Variants in PTPRN2 observed in about 807,000 individuals in gnomAD.
The protein encoded by PTPRN2 is receptor-type tyrosine-protein phosphatase N2.
In PTPRN2, 74 loss-of-function variants were observed where a neutral mutation model predicts 118.8. The ratio of observed to expected loss-of-function variants is 0.62; its 90% CI spans 0.52 to 0.76. The LOEUF is 0.76. PTPRN2 is among the 30% of genes least tolerant of loss of function. The pLI is 0.00. For missense variants in PTPRN2, 1,481 were observed against 1,394.4 expected (o/e 1.06, Z -0.99); for synonymous variants, 641 against 608.0 (o/e 1.05, Z -0.80).
At chr7:158,341,003 G>C (rs1162898943) in intron 2 of PTPRN2, among the ~76,000 whole-genome samples, 1 of 56,052 alleles carries the variant, frequency 1.8e-5, no homozygotes, top group African/African-American at 6.7e-5. Flanking sequence ...CATAAGAGGT[G>C]AAACCTGCAG....
chr7:157,740,423 C>T (rs1485743484), intron 12 of PTPRN2: 13 of 147,604 alleles, frequency 8.8e-5, no homozygotes, highest in African/African-American at 3.1e-4. Flanking sequence ...CGTCTCCCTC[C>T]ATCCACGGCA....
intron 3 of PTPRN2, among the ~76,000 whole-genome samples, chr7:158,308,409 T>G (rs1801457684): frequency 1.3e-5 from 2 of 152,124 alleles, no homozygotes; most frequent in Admixed American, 1.3e-4. Flanking sequence ...GATGAAGAAA[T>G]AAACAGCACC....
In PTPRN2 at chr7:157,766,016, C is replaced by T. The variant is rs1339168921; in HGVS notation, c.1789-83079G>A. ...TCCATCCAACCATCCATCCTTCCTT[C>T]ATCCACCCATCCATCCAACCAACCA... On this transcript the variant is annotated intron_variant, in intron 12 of 22. Coordinates refer to ENST00000389418, the MANE Select transcript of PTPRN2 (RefSeq NM_002847.5). Among the ~76,000 whole-genome samples, 4 of 151,262 alleles carry T rather than the reference C, an allele frequency of 2.6e-5. No individual in the cohort carries two copies. The East Asian group carries it at 5.9e-4, about 22-fold the overall frequency.
At chr7:158,072,037 G>A (rs1451919113) in intron 11 of PTPRN2, among the ~76,000 whole-genome samples, 17 of 145,122 alleles carry the variant, frequency 1.2e-4, no homozygotes, top group Non-Finnish European at 3.0e-5. Flanking sequence ...TGGTGGAGGT[G>A]CTCGTGGTGG....
Position 157,632,555 on chromosome 7 carries a change from G to A in PTPRN2, c.2197-11046C>T, listed in dbSNP as rs1016435528. On this transcript the variant is annotated intron_variant, in intron 14 of 22. Coordinates refer to ENST00000389418, the MANE Select transcript of PTPRN2 (RefSeq NM_002847.5). The surrounding 1 kb of genome is among the most constrained non-coding windows in gnomAD (Gnocchi z 4.3). Reference sequence around the variant, plus strand: ...TCATACGATTGATGGATTGTTTTACGTTGGGCATTTTTTAGCAAGATATCA... The same window carrying A: ...TCATACGATTGATGGATTGTTTTACATTGGGCATTTTTTAGCAAGATATCA... 1.3e-4 allele frequency among the ~76,000 whole-genome samples: 20 copies of A among 152,132 alleles called. No individual in the cohort carries two copies. Among genetic ancestry groups the A allele is most frequent in the South Asian group, 2.1e-4 (1 of 4,820 alleles).
chr7:157,608,675 G>A lies in PTPRN2; in HGVS notation c.2345-4600C>T, dbSNP rs575253690. ...GAGGGGTCTTCGTGTTCTATGAAGT[G>A]AAGGGAAGCAGGTGGCCTGGGGCCT... is the stretch of plus-strand genomic sequence containing the variant. On this transcript the variant is annotated intron_variant, in intron 15 of 22. Transcript: ENST00000389418. Among the ~76,000 whole-genome samples the A allele has an allele frequency of 1.2e-4, 19 of 152,186 alleles. 1 individual carries two copies. Among genetic ancestry groups the A allele is most frequent in the South Asian group, 6.2e-4 (3 of 4,832 alleles).
chr7:157,664,420 T>C (rs897261800), intron 13 of PTPRN2, among the ~76,000 whole-genome samples: 7 of 152,214 alleles, frequency 4.6e-5, no homozygotes, highest in African/African-American at 1.7e-4. Flanking sequence ...GTGACAGAAA[T>C]GGCCATCGCC....
intron 2 of PTPRN2, among the ~76,000 whole-genome samples, chr7:158,341,260 T>A (rs1806704103): frequency 6.6e-6 from 1 of 151,052 alleles, no homozygotes; most frequent in Non-Finnish European, 1.5e-5. Flanking sequence ...CCTGCAGACG[T>A]CATTCACACC....
Position 158,054,899 on chromosome 7 carries a change from C to T in PTPRN2, c.1723+26399G>A, listed in dbSNP as rs984255411. ...AGACACCTGCAGACTGCAGCCCGCA[C>T]GCCAGTGCCCAAGGTCAGGCCAGGT... On this transcript the variant is annotated intron_variant, in intron 11 of 22. Transcript: ENST00000389418. Among the ~76,000 whole-genome samples, 10 of 152,302 alleles carry T rather than the reference C, an allele frequency of 6.6e-5. No individual in the cohort carries two copies. The East Asian group carries it at 7.7e-4, about 12-fold the overall frequency.
At chr7:157,754,455 G>A (rs1801666557) in intron 12 of PTPRN2, among the ~76,000 whole-genome samples, 1 of 152,270 alleles carries the variant, frequency 6.6e-6, no homozygotes, top group Admixed American at 6.5e-5. Context: ...GGCGGTGTGG[G>A]ACCGTGGGCA....
chr7:157,626,308 A>G (rs1184604819), intron 14 of PTPRN2, among the ~76,000 whole-genome samples: 1 of 152,158 alleles, frequency 6.6e-6, no homozygotes, highest in East Asian at 1.9e-4. Flanking sequence ...TGCCTAGACT[A>G]GCATTGTCCT....
intron 11 of PTPRN2, among the ~76,000 whole-genome samples, chr7:157,912,447 C>A (rs977442916): frequency 6.6e-6 from 1 of 152,164 alleles, no homozygotes; most frequent in Non-Finnish European, 1.5e-5. Flanking sequence ...CTGCAACTAT[C>A]ATATCTCAGT....
chr7:157,614,474 C>T lies in PTPRN2; in HGVS notation c.2344+6888G>A, dbSNP rs74436577. On this transcript the variant is annotated intron_variant, in intron 15 of 22. Coordinates refer to ENST00000389418, the MANE Select transcript of PTPRN2 (RefSeq NM_002847.5). The stretch of plus-strand genomic sequence containing the variant: ...GACAGCTGTTTCAAAATTAAAAAGA[C>T]GAAAGAGACACAAAACCCAAAATGC... 4.4e-4 allele frequency among the ~76,000 whole-genome samples: 67 copies of T among 152,240 alleles called. 3 individuals carry two copies. The East Asian group carries it at 0.013, about 29-fold the overall frequency.
intron 2 of PTPRN2, among the ~76,000 whole-genome samples, chr7:158,455,928 G>GCCATGGCCACCCATCGCTCTA (rs1329976077): frequency 1.4e-5 from 2 of 147,496 alleles, no homozygotes; most frequent in African/African-American, 5.2e-5. Flanking sequence ...GACGCCATTG[G>GCCATGGCCACCCATCGCTCTA]CCATGGCCAC....
At chr7:157,867,416 G>A (rs1267652119) in intron 12 of PTPRN2, among the ~76,000 whole-genome samples, 1 of 133,516 alleles carries the variant, frequency 7.5e-6, no homozygotes. Context: ...CTGGATACAC[G>A]GCCACCTGGA....
At chr7:158,325,675 C>G (rs189795763) in intron 2 of PTPRN2, among the ~76,000 whole-genome samples, 2 of 152,170 alleles carry the variant, frequency 1.3e-5, no homozygotes, top group African/African-American at 4.8e-5. Flanking sequence ...AGATGAGAGG[C>G]GTGGGAGGCT....
chr7:158,436,821 A>G lies in PTPRN2; in HGVS notation c.163+52914T>C, dbSNP rs538510331. Reference sequence around the variant, plus strand: ...TGATTTTTCTCTGCTTGCTTTCCAGATTTTCTCTTAAACTTTGGTTTTTAC... The same window carrying G: ...TGATTTTTCTCTGCTTGCTTTCCAGGTTTTCTCTTAAACTTTGGTTTTTAC... On this transcript the variant is annotated intron_variant, in intron 2 of 22. Transcript: ENST00000389418. Among the ~76,000 whole-genome samples the G allele has an allele frequency of 5.7e-4, 87 of 152,020 alleles. No homozygotes were observed. In the South Asian group the frequency reaches 0.017, roughly 29 times the overall value.
chr7:157,696,936 T>C (rs76056943), intron 12 of PTPRN2, among the ~76,000 whole-genome samples: 455 of 42,446 alleles, frequency 0.011, 7 homozygotes, highest in Middle Eastern at 0.019. Flanking sequence ...CACCGTCTAC[T>C]CATGCATACT....
chr7:158,119,261 A>T (rs1816957409), intron 9 of PTPRN2, among the ~76,000 whole-genome samples: 1 of 152,238 alleles, frequency 6.6e-6, no homozygotes, highest in South Asian at 2.1e-4. Context: ...GGCCAAAAGC[A>T]CATGAAAAGA....
Sources: gnomAD v4.1 joint callset for allele counts (sites outside exome capture counted in the v4.1 genomes callset) on GRCh38, gnomAD v4.1.1 for gene constraint, Gnocchi (gnomAD v3.1) non-coding constraint, MANE v1.5 for transcripts, NCBI Gene and HGNC (gene_info 2026-07-23, HGNC 2026-07-21) for gene names.